The following IRAG2 variants were observed in gnomAD, a reference collection of about 807,000 sequenced individuals.
The protein encoded by IRAG2 is lymphoid restricted membrane protein.
IRAG2 carries 45 observed loss-of-function variants against 69.9 expected under a neutral mutation model. The ratio of observed to expected loss-of-function variants is 0.64; its 90% confidence interval spans 0.51 to 0.83. IRAG2 has a LOEUF of 0.83. Ranked by LOEUF, IRAG2 falls within the 40% of genes least tolerant of loss-of-function variation. The pLI, the probability that IRAG2 is intolerant of heterozygous loss-of-function variation, is 0.00. For missense variants in IRAG2, 520 were observed against 587.0 expected (o/e 0.89, Z 1.18); for synonymous variants, 193 against 202.4 (o/e 0.95, Z 0.40).
At position 25,097,050 on chromosome 12, in the gene IRAG2, C is replaced by T. The variant is rs1475696898; in HGVS notation, c.741+6C>T. ...TGTTGGGAGCCATCAATCAGGTAAC[C>T]TGTCTTCATTTCTCTAGTTAGAATG... On this transcript the variant is annotated splice_donor_region_variant and intron_variant, in intron 15 of 21. Coordinates refer to ENST00000556887, the MANE Select transcript of IRAG2 (RefSeq NM_001366544.2). 3.8e-6 allele frequency: 6 copies of T among 1,599,654 alleles called. No homozygotes were observed. Among genetic ancestry groups the T allele is most frequent in the Admixed American group, 3.6e-5 (2 of 55,630 alleles).
At chr12:24,998,425 G>GAAGA in the IRAG2 span, among the ~76,000 whole-genome samples, 1 of 152,146 alleles carries the variant, frequency 6.6e-6, no homozygotes, top group African/African-American at 2.4e-5. Context: ...GAAACGGCAG[G>GAAGA]AAGAAGTGTT....
At chr12:25,051,165 AGT>A (rs1194038164), upstream of IRAG2, among the ~76,000 whole-genome samples, 78 of 152,102 alleles carry the variant, frequency 5.1e-4, 1 homozygote, top group South Asian at 2.1e-4. Context: ...AGAAAAAGAG[AGT>A]GAGAGAGACA....
intron 9 of IRAG2, 100 bp downstream of exon 9, chr12:25,079,863 T>A: frequency 1.5e-6 from 1 of 653,820 alleles, no homozygotes. Flanking sequence ...ATAATGTTAT[T>A]TAATTTTTTT....
chr12:25,026,618 T>A (rs1944624096), intron 8 of IRAG2, among the ~76,000 whole-genome samples: 1 of 152,166 alleles, frequency 6.6e-6, no homozygotes, highest in Non-Finnish European at 1.5e-5. Flanking sequence ...CTGCAGTGAC[T>A]GGTAATAACA....
At chr12:25,107,085 G>C in intron 21 of IRAG2, 35 bp downstream of exon 21, 2 of 1,236,884 alleles carry the variant, frequency 1.6e-6, no homozygotes, top group Non-Finnish European at 2.3e-6. Flanking sequence ...TACCATTTTA[G>C]TGGAATGGGA....
chr12:25,060,515 T>C (rs1232070059), intron 1 of IRAG2, among the ~76,000 whole-genome samples: 1 of 152,026 alleles, frequency 6.6e-6, no homozygotes, highest in Non-Finnish European at 1.5e-5. Context: ...ACCTTTTCAA[T>C]CGTCTGCACA....
chr12:25,046,536 T>C (rs536436270), intron 16 of IRAG2, among the ~76,000 whole-genome samples: 21 of 152,288 alleles, frequency 1.4e-4, no homozygotes, highest in South Asian at 1.2e-3. Flanking sequence ...ATTTCGTTTA[T>C]ATATGAGCAA....
intron 1 of IRAG2, among the ~76,000 whole-genome samples, chr12:25,059,114 A>G (rs1348756821): frequency 1.3e-5 from 2 of 152,322 alleles, no homozygotes; most frequent in African/African-American, 4.8e-5. Context: ...ACACGGCTTC[A>G]TTGGCAATTG....
intron 9 of IRAG2, chr12:25,030,258 C>CT (rs1393733109): frequency 1.6e-6 from 2 of 1,231,052 alleles, no homozygotes; most frequent in Admixed American, 8.4e-5. Flanking sequence ...ACGGCCTTCC[C>CT]TAAATTCGTC....
At chr12:25,000,830 T>G (rs1038458605), upstream of IRAG2, among the ~76,000 whole-genome samples, 10 of 152,224 alleles carry the variant, frequency 6.6e-5, no homozygotes, top group African/African-American at 2.4e-4. Flanking sequence ...CAATTCACTT[T>G]CAGTTCTTAA....
At chr12:25,077,947 A>G (rs545082707) in intron 6 of IRAG2, among the ~76,000 whole-genome samples, 1 of 152,328 alleles carries the variant, frequency 6.6e-6, no homozygotes, top group East Asian at 1.9e-4. Context: ...ATTAAAAATC[A>G]TCAACCAGTC....
At chr12:25,096,520 T>A (rs73284771) in intron 14 of IRAG2, among the ~76,000 whole-genome samples, 1,783 of 152,326 alleles carry the variant, frequency 0.012, 32 homozygotes, top group African/African-American at 0.041. Context: ...TTAATTCCAA[T>A]ATGTTTGGTT....
intron 10 of IRAG2, among the ~76,000 whole-genome samples, chr12:25,087,627 T>A (rs1947719950): frequency 6.6e-6 from 1 of 151,514 alleles, no homozygotes; most frequent in African/African-American, 2.4e-5. Context: ...CAATTTTATT[T>A]CCTTCTTAAC....
At chr12:25,082,271 A>G (rs570413974) in intron 9 of IRAG2, among the ~76,000 whole-genome samples, 1 of 152,182 alleles carries the variant, frequency 6.6e-6, no homozygotes, top group Non-Finnish European at 1.5e-5. Context: ...TTTATGAACC[A>G]TATGAATCTA....
upstream of IRAG2, among the ~76,000 whole-genome samples, chr12:25,001,700 C>A (rs1216513125): frequency 1.3e-5 from 2 of 151,690 alleles, no homozygotes. Context: ...TGCCTAAATT[C>A]TCTGGTTCTA....
At position 25,027,063 on chromosome 12, in the gene IRAG2, T is replaced by C. The variant is rs896661179; in HGVS notation, c.1461+197T>C. On this transcript the variant is annotated intron_variant, in intron 9 of 38. Coordinates refer to the IRAG2 transcript ENST00000636465. ...TTTTTTGGCAACTGCTTTACTGATATGTAATTCACATGCCTTAAATTTCAT... is the reference window on the plus strand; with the variant it reads ...TTTTTTGGCAACTGCTTTACTGATACGTAATTCACATGCCTTAAATTTCAT... 1.5e-4 allele frequency among the ~76,000 whole-genome samples: 23 copies of C among 151,968 alleles called. 1 individual carries two copies. The highest frequency in any genetic ancestry group is 4.1e-4 in the African/African-American group (17 of 41,422).
At chr12:25,007,635 C>G (rs1944442593) in intron 2 of IRAG2, among the ~76,000 whole-genome samples, 1 of 152,174 alleles carries the variant, frequency 6.6e-6, no homozygotes, top group African/African-American at 2.4e-5. Flanking sequence ...GATTCTCCTG[C>G]CTCAGCCTCT....
intron 16 of IRAG2, among the ~76,000 whole-genome samples, chr12:25,041,934 T>C (rs1944753685): frequency 6.6e-6 from 1 of 150,954 alleles, no homozygotes; most frequent in African/African-American, 2.4e-5. Flanking sequence ...TAAGCAGTGC[T>C]GAATTGAATT....
At chr12:25,042,472 A>AT (rs922150543) in intron 16 of IRAG2, among the ~76,000 whole-genome samples, 13 of 149,944 alleles carry the variant, frequency 8.7e-5, no homozygotes, top group South Asian at 4.2e-4. Context: ...GTACCATCTA[A>AT]TTTTTTTTTT....
Sources: gnomAD v4.1 joint callset for allele counts (sites outside exome capture counted in the v4.1 genomes callset) on GRCh38, gnomAD v4.1.1 for gene constraint, MANE v1.5 for transcripts, NCBI Gene and HGNC (gene_info 2026-07-23, HGNC 2026-07-21) for gene names.